DENND5B: variants seen among roughly 807,000 people sequenced by gnomAD.
DENND5B encodes DENN domain containing 5B.
DENND5B carries 34 observed loss-of-function variants against 140.6 expected under a neutral mutation model. The observed-to-expected ratio is 0.24, with a 90% confidence interval of 0.18 to 0.32. The LOEUF is 0.32. Ranked by LOEUF, DENND5B falls within the 10% of genes least tolerant of loss-of-function variation. DENND5B has a pLI of 1.00. For missense variants in DENND5B, 1,142 were observed against 1,560.2 expected, an observed-to-expected ratio of 0.73 and a Z score of 4.52; for synonymous variants, 551 against 562.1, an observed-to-expected ratio of 0.98 and a Z score of 0.28.
intron 15 of DENND5B, among the ~76,000 whole-genome samples, chr12:31,401,332 G>A (rs896087151): frequency 3.9e-5 from 6 of 152,254 alleles, no homozygotes; most frequent in African/African-American, 1.4e-4. Context: ...ATTGTTAGAT[G>A]AAGAAAAGCC....
intron 3 of DENND5B, among the ~76,000 whole-genome samples, chr12:31,467,433 G>C (rs1471876437): frequency 6.6e-6 from 1 of 151,670 alleles, no homozygotes; most frequent in Non-Finnish European, 1.5e-5. Flanking sequence ...CGACCAGCCT[G>C]GACAAGACAG....
Position 31,448,135 on chromosome 12 carries a change from G to A in DENND5B, c.1630-366C>T, listed in dbSNP as rs1017205141. Reference sequence around the variant, plus strand: ...CCTTTCCCCAATGAGTTGTAATTTCGTTTTTTTTTTTTCTTTGAGATGGAG... The same window carrying A: ...CCTTTCCCCAATGAGTTGTAATTTCATTTTTTTTTTTTCTTTGAGATGGAG... On this transcript the variant is annotated intron_variant, in intron 5 of 20. Transcript: ENST00000389082. Among the ~76,000 whole-genome samples, 6 of 145,760 alleles carry A rather than the reference G, an allele frequency of 4.1e-5. 1 individual carries two copies. Among genetic ancestry groups the A allele is most frequent in the African/African-American group, 7.5e-5 (3 of 39,950 alleles).
rs1944105079 is a variant in DENND5B at position 31,442,981 on chromosome 12, T to C, written c.1862-56A>G. ...CATTTCATTGCTAGCCCTTCAAAAA[T>C]AATGCTTCCTCCACTCATGCACCTA... is the stretch of plus-strand genomic sequence containing the variant. On this transcript the variant is annotated intron_variant, in intron 6 of 20. Coordinates refer to ENST00000389082, the MANE Select transcript of DENND5B (RefSeq NM_144973.4). 7 of 1,487,076 alleles carry C rather than the reference T, an allele frequency of 4.7e-6. No homozygotes were observed. The Admixed American group carries it at 1.4e-4, about 31-fold the overall frequency. 92.1% of individuals were successfully genotyped at this position (1,487,076 alleles called of 1,614,324 possible).
At chr12:31,537,707 A>G (rs577128044) in intron 1 of DENND5B, among the ~76,000 whole-genome samples, 1 of 152,238 alleles carries the variant, frequency 6.6e-6, no homozygotes, top group East Asian at 1.9e-4. Flanking sequence ...AAAACAAAAA[A>G]ACAAGACTCA....
chr12:31,394,943 G>A (rs1019027174), intron 17 of DENND5B, among the ~76,000 whole-genome samples: 1 of 151,872 alleles, frequency 6.6e-6, no homozygotes, highest in African/African-American at 2.4e-5. Flanking sequence ...ACCTTCCTTA[G>A]CTCCTAACTC....
chr12:31,413,382 T>C, intron 13 of DENND5B, 54 bp downstream of exon 13: 1 of 1,575,126 alleles, frequency 6.3e-7, no homozygotes, highest in Non-Finnish European at 8.6e-7. Context: ...ATGCAACTTG[T>C]TTTGTATGCA....
chr12:31,501,683 G>A (rs1207581722), intron 1 of DENND5B, among the ~76,000 whole-genome samples: 1 of 149,976 alleles, frequency 6.7e-6, no homozygotes, highest in Admixed American at 6.8e-5. Context: ...TGAGGCAGAA[G>A]AATTGCCTGA....
At chr12:31,534,880 T>C in intron 1 of DENND5B, 1 of 413,586 alleles carries the variant, frequency 2.4e-6, no homozygotes, top group East Asian at 7.9e-5. Context: ...TGCTGTCTCC[T>C]TTCCCAGCAG....
chr12:31,439,026 G>A (rs766288529), intron 7 of DENND5B, among the ~76,000 whole-genome samples: 4 of 152,214 alleles, frequency 2.6e-5, no homozygotes, highest in Non-Finnish European at 4.4e-5. Flanking sequence ...ACAGGGAAAT[G>A]AGCACTGCGC....
intron 1 of DENND5B, among the ~76,000 whole-genome samples, chr12:31,505,762 C>T (rs766930398): frequency 9.9e-5 from 15 of 151,948 alleles, no homozygotes; most frequent in Non-Finnish European, 2.2e-4. Context: ...TTCATCGACT[C>T]CATTAAGGAA....
intron 17 of DENND5B, among the ~76,000 whole-genome samples, chr12:31,397,457 A>T (rs1017136014): frequency 1.4e-5 from 2 of 143,364 alleles, no homozygotes; most frequent in African/African-American, 5.1e-5. Flanking sequence ...CTGAGGCAGG[A>T]GAATCGTTTG....
intron 5 of DENND5B, among the ~76,000 whole-genome samples, chr12:31,448,195 A>G (rs568276326): frequency 1.3e-5 from 2 of 151,600 alleles, no homozygotes; most frequent in African/African-American, 4.8e-5. Flanking sequence ...GTGCAGTGGC[A>G]CGATCTCGGC....
Position 31,424,545 on chromosome 12 carries a change from T to A in DENND5B, c.2381A>T (p.Gln794Leu). 1 of 1,613,638 alleles carries A rather than the reference T, an allele frequency of 6.2e-7. No individual in the cohort carries two copies. The highest frequency in any genetic ancestry group is 8.5e-7 in the Non-Finnish European group (1 of 1,179,780). ...TCCTAAAACTGTTACCTGCTTGACCTGCAAGCCATGGCTCCATATCCTCTC... is the reference window on the plus strand; with the variant it reads ...TCCTAAAACTGTTACCTGCTTGACCAGCAAGCCATGGCTCCATATCCTCTC... Reference protein sequence around the residue: ...LLERIWSHGLQVKQGKSALWS... With the variant: ...LLERIWSHGLLVKQGKSALWS... Residue 794 changes from glutamine (Q) to leucine (L), a missense_variant, in exon 10 of 21, where the codon CAG (glutamine) becomes CTG (leucine). Gln to Leu is a moderately radical substitution (Grantham distance 113, BLOSUM62 -2). Around this residue, in one of 5 missense-constraint regions of DENND5B, gnomAD observed 33 missense variants for 90.8 expected, o/e 0.36. Transcript: ENST00000389082.
At chr12:31,552,031 C>T (rs559804922) in intron 1 of DENND5B, among the ~76,000 whole-genome samples, 12 of 152,274 alleles carry the variant, frequency 7.9e-5, no homozygotes, top group African/African-American at 2.4e-4. Context: ...TTGACTTCCT[C>T]TTTTCCTAAT....
intron 1 of DENND5B, among the ~76,000 whole-genome samples, chr12:31,538,493 C>T (rs1362144481): frequency 1.3e-5 from 2 of 152,058 alleles, no homozygotes; most frequent in African/African-American, 2.4e-5. Flanking sequence ...AAAAAAACCT[C>T]AAATAAACAA....
In DENND5B at chr12:31,387,668, G is replaced by A. The variant is rs376805112; in HGVS notation, c.3760C>T (p.Leu1254=). ...ATGGTGAAGTCCTGAATGGTCTGCA[G>A]AATTCGGATAAGGGAGTTGACAGTC... ...RMTVNSLIRI[L]QTIQDFTIVL... Residue 1254 remains leucine, a synonymous_variant, in exon 21 of 21, where the codon CTG becomes TTG. Coordinates refer to ENST00000389082, the MANE Select transcript of DENND5B (RefSeq NM_144973.4). The A allele has an allele frequency of 5.6e-6, 9 of 1,614,080 alleles. No homozygotes were observed. The highest frequency in any genetic ancestry group is 6.8e-6 in the Non-Finnish European group (8 of 1,179,904).
chr12:31,541,264 C>A (rs1031822187), intron 1 of DENND5B, among the ~76,000 whole-genome samples: 3 of 151,986 alleles, frequency 2.0e-5, no homozygotes, highest in Non-Finnish European at 4.4e-5. Context: ...CAACAAGAGA[C>A]AACCCAAAGA....
intron 11 of DENND5B, among the ~76,000 whole-genome samples, chr12:31,416,170 CT>C (rs1942728413): frequency 6.6e-6 from 1 of 151,988 alleles, no homozygotes; most frequent in Non-Finnish European, 1.5e-5. Flanking sequence ...TCTGGAACTG[CT>C]TTTGGAAATT....
At chr12:31,528,969 T>G (rs984037776) in intron 1 of DENND5B, among the ~76,000 whole-genome samples, 7 of 151,704 alleles carry the variant, frequency 4.6e-5, no homozygotes, top group African/African-American at 1.7e-4. Context: ...AAGAGCAGCC[T>G]GGCCAACATG....
Sources: allele counts gnomAD v4.1 joint callset (sites outside exome capture counted in the v4.1 genomes callset), GRCh38; gene constraint gnomAD v4.1.1; regional missense constraint gnomAD v4.1.1; transcripts MANE v1.5; gene names NCBI Gene and HGNC (gene_info 2026-07-23, HGNC 2026-07-21).